The following ERRFI1 variants were observed in gnomAD, a reference collection of about 807,000 sequenced individuals.
ERRFI1 encodes the protein ERBB receptor feedback inhibitor 1.
Under a neutral mutation model 14.6 loss-of-function variants are expected in ERRFI1, and 12 were observed. That is an observed-to-expected ratio of 0.82 (90% CI 0.53 to 1.33). The LOEUF is 1.33. Ranked by LOEUF, ERRFI1 falls within the 40% of genes most tolerant of loss-of-function variation. The pLI is 0.00. For missense variants in ERRFI1, 482 were observed against 572.1 expected (o/e 0.84, Z 1.61); for synonymous variants, 202 against 209.9 (o/e 0.96, Z 0.32).
chr1:8,014,066 T>C lies in ERRFI1; in HGVS notation c.533A>G (p.Asp178Gly). Residue 178 changes from aspartate (D) to glycine (G), a missense_variant, in exon 4 of 4, where the codon GAT becomes GGT. By Grantham distance (94) the Asp-to-Gly change is moderately conservative. Transcript: ENST00000377482. ...DCEVEFLTSS[D>G]TDFLLEDSTL... Reference sequence around the variant, plus strand: ...AGAGTCTTCTAAAAGGAAGTCTGTATCTGAGCTAGTTAGGAATTCCACCTC... The same window carrying C: ...AGAGTCTTCTAAAAGGAAGTCTGTACCTGAGCTAGTTAGGAATTCCACCTC... The C allele has an allele frequency of 1.2e-6, 2 of 1,614,162 alleles. No homozygotes were observed. Among genetic ancestry groups the C allele is most frequent in the Non-Finnish European group, 1.7e-6 (2 of 1,180,034 alleles).
chr1:8,021,256 C>T (rs141495971), intron 1 of ERRFI1, among the ~76,000 whole-genome samples: 125 of 152,290 alleles, frequency 8.2e-4, no homozygotes, highest in African/African-American at 2.8e-3. Context: ...ATTCAGAATG[C>T]TTTCTAGCTA....
Position 8,012,528 on chromosome 1 carries a change from G to A in ERRFI1, c.*682C>T, listed in dbSNP as rs943115820. The stretch of plus-strand genomic sequence containing the variant: ...TTTTCAAGATGTGTGACAGGTACAG[G>A]TGACAATATGGTTGCCAAGTAACCT... On this transcript the variant is annotated 3_prime_UTR_variant, in exon 4 of 4. Coordinates refer to ENST00000377482, the MANE Select transcript of ERRFI1 (RefSeq NM_018948.4). 5 of 225,840 alleles carry A rather than the reference G, an allele frequency of 2.2e-5. No homozygotes were observed. Among genetic ancestry groups the A allele is most frequent in the East Asian group, 1.9e-4 (3 of 15,818 alleles). 14.0% of individuals were successfully genotyped at this position (225,840 alleles called of 1,614,324 possible).
intron 1 of ERRFI1, among the ~76,000 whole-genome samples, chr1:8,025,133 C>T (rs532840715): frequency 6.6e-6 from 1 of 152,236 alleles, no homozygotes; most frequent in Admixed American, 6.5e-5. Context: ...CTCAAGTCAC[C>T]GACACATCTC....
At chr1:8,017,219 A>C (rs1641188846) in intron 1 of ERRFI1, among the ~76,000 whole-genome samples, 1 of 152,148 alleles carries the variant, frequency 6.6e-6, no homozygotes, top group Non-Finnish European at 1.5e-5. Context: ...AAAGGAACAC[A>C]GTGATAAGTA....
At position 8,013,391 on chromosome 1, in the gene ERRFI1, T is replaced by C. The variant is rs1256682363; in HGVS notation, c.1208A>G (p.Tyr403Cys). The change falls in exon 4 of 4, where the codon TAC becomes TGC. Residue 403 changes from tyrosine to cysteine, a missense_variant. Tyr to Cys is a radical substitution (Grantham distance 194). Coordinates refer to ENST00000377482, the MANE Select transcript of ERRFI1 (RefSeq NM_018948.4). This position sits in a 1 kb window ranked among gnomAD's most constrained non-coding sequence, Gnocchi z 4.3. The part of the protein sequence containing the change: ...HYYLLPERPP[Y>C]LDKYEKFFRE... Reference sequence around the variant, plus strand: ...AAAAAATTTTTCATATTTGTCCAGGTATGGTGGTCGTTCAGGTAGTAGGTA... The same window carrying C: ...AAAAAATTTTTCATATTTGTCCAGGCATGGTGGTCGTTCAGGTAGTAGGTA... 2 of 1,614,214 alleles carry C rather than the reference T, an allele frequency of 1.2e-6. No homozygotes were observed. Among genetic ancestry groups the C allele is most frequent in the Non-Finnish European group, 1.7e-6 (2 of 1,180,030 alleles).
chr1:8,013,789 G>A lies in ERRFI1; in HGVS notation c.810C>T (p.His270=), dbSNP rs1641128270. Residue 270 remains histidine, a synonymous_variant, in exon 4 of 4, where the codon CAC becomes CAT. Coordinates refer to ENST00000377482, the MANE Select transcript of ERRFI1 (RefSeq NM_018948.4). The surrounding 1 kb of genome is among the most constrained non-coding windows in gnomAD (Gnocchi z 4.3). ...PAIRISNCCI[H]RASPNSDEDK... Reference sequence around the variant, plus strand: ...CTTCATCGGAGTTAGGAGAAGCTCTGTGTATACAACAGTTGGATATCCTTA... The same window carrying A: ...CTTCATCGGAGTTAGGAGAAGCTCTATGTATACAACAGTTGGATATCCTTA... The A allele has an allele frequency of 6.2e-7, 1 of 1,614,082 alleles. No homozygotes were observed. Among genetic ancestry groups the A allele is most frequent in the Non-Finnish European group, 8.5e-7 (1 of 1,180,044 alleles).
At chr1:8,017,551 C>G (rs1439180367) in intron 1 of ERRFI1, among the ~76,000 whole-genome samples, 2 of 152,160 alleles carry the variant, frequency 1.3e-5, no homozygotes, top group South Asian at 2.1e-4. Context: ...ATACTGCTAG[C>G]CTCTCCCTCT....
At chr1:8,015,271 C>T (rs2124065168) in intron 3 of ERRFI1, 37 bp downstream of exon 3, 3 of 1,583,246 alleles carry the variant, frequency 1.9e-6, no homozygotes, top group African/African-American at 2.7e-5. Context: ...CTGTTCTTCT[C>T]AAATGCTTAC....
At chr1:8,022,450 T>C (rs1641286394) in intron 1 of ERRFI1, among the ~76,000 whole-genome samples, 1 of 152,190 alleles carries the variant, frequency 6.6e-6, no homozygotes, top group African/African-American at 2.4e-5. Context: ...ATTATCTCAC[T>C]TGATCCCCAC....
At chr1:8,016,715 T>C (rs1413995087) in intron 1 of ERRFI1, among the ~76,000 whole-genome samples, 1 of 152,212 alleles carries the variant, frequency 6.6e-6, no homozygotes, top group Non-Finnish European at 1.5e-5. Context: ...ATTTGTCAAC[T>C]ATTGTGTAAC....
chr1:8,016,399 C>T (rs757403520), intron 1 of ERRFI1, among the ~76,000 whole-genome samples: 3 of 152,212 alleles, frequency 2.0e-5, no homozygotes, highest in Non-Finnish European at 4.4e-5. Context: ...TCCTCCCTCC[C>T]TTTTAAAGAC....
At chr1:8,024,332 AAC>A (rs1178567462) in intron 1 of ERRFI1, among the ~76,000 whole-genome samples, 6 of 152,366 alleles carry the variant, frequency 3.9e-5, no homozygotes, top group Admixed American at 3.3e-4. Flanking sequence ...TGATTGAAAC[AAC>A]AGTTTTACCC....
rs753651544 is a variant in ERRFI1, at chr1:8,013,182, A to G, written c.*28T>C. The G allele has an allele frequency of 5.8e-6, 9 of 1,549,814 alleles. No individual in the cohort carries two copies. In the South Asian group the frequency reaches 1.1e-4, roughly 19 times the overall value. ...AATTGAGAACCATTTGCTCCTATGT[A>G]ACCTCTGCTGAACCATGACCCCAAG... On this transcript the variant is annotated 3_prime_UTR_variant, in exon 4 of 4. Coordinates refer to ENST00000377482, the MANE Select transcript of ERRFI1 (RefSeq NM_018948.4). The surrounding 1 kb of genome is among the most constrained non-coding windows in gnomAD (Gnocchi z 4.3).
chr1:8,016,223 G>A lies in ERRFI1; in HGVS notation c.-73-531C>T, dbSNP rs187649217. 1.2e-3 allele frequency among the ~76,000 whole-genome samples: 179 copies of A among 152,320 alleles called. 3 individuals are homozygous for A. Among genetic ancestry groups the A allele is most frequent in the Admixed American group, 0.01 (159 of 15,302 alleles). On this transcript the variant is annotated intron_variant, in intron 1 of 3. Transcript: ENST00000377482. ...TGGCACCTGACTACCCCAGGGTCTA[G>A]CATTTATCTGGATTTTGTATTTCAG... is the stretch of plus-strand genomic sequence containing the variant.
intron 1 of ERRFI1, among the ~76,000 whole-genome samples, chr1:8,025,701 C>T (rs1052569693): frequency 6.6e-6 from 1 of 152,204 alleles, no homozygotes; most frequent in African/African-American, 2.4e-5. Context: ...CGAAGACGCT[C>T]ATCCCCGCCG....
intron 1 of ERRFI1, among the ~76,000 whole-genome samples, chr1:8,025,278 C>T (rs78532080): frequency 0.023 from 3,432 of 152,290 alleles, 122 homozygotes; most frequent in African/African-American, 0.078. Flanking sequence ...TAATACAGCA[C>T]CATTCACGGT....
rs556763918 is a variant in ERRFI1, at chr1:8,019,087, G to GACT, written c.-73-3398_-73-3396dup. ...GTACATTCAATTGCCAAGTTCCACA[G>GACT]ACTACTTTTACATGGTTTCTCAAAT... On this transcript the variant is annotated intron_variant, in intron 1 of 3. Coordinates refer to ENST00000377482, the MANE Select transcript of ERRFI1 (RefSeq NM_018948.4). Among the ~76,000 whole-genome samples the GACT allele has an allele frequency of 2.3e-3, 350 of 152,266 alleles. 1 individual carries two copies. The highest frequency in any genetic ancestry group is 7.9e-3 in the African/African-American group (330 of 41,558).
chr1:8,016,669 T>C (rs939598506), intron 1 of ERRFI1, among the ~76,000 whole-genome samples: 5 of 152,210 alleles, frequency 3.3e-5, no homozygotes, highest in African/African-American at 1.2e-4. Context: ...AGTTTATTTA[T>C]AAGTTTAGGT....
rs781356048 is a variant in ERRFI1, at chr1:8,014,156, C to G, written c.443G>C (p.Arg148Pro). ...CAACGGTGGAAGAGGCCTAGAACCC[C>G]GTTCACAAAGAGGGGCACAGGGGAA... ...SLFPCAPLCE[R>P]GSRPLPPLPI... is the part of the protein sequence containing the mutation. Residue 148 changes from arginine (R) to proline (P), a missense_variant, in exon 4 of 4, where the codon CGG becomes CCG. Coordinates refer to ENST00000377482, the MANE Select transcript of ERRFI1 (RefSeq NM_018948.4). 20 of 1,614,080 alleles carry G rather than the reference C, an allele frequency of 1.2e-5. No individual in the cohort carries two copies. Among genetic ancestry groups the G allele is most frequent in the Non-Finnish European group, 1.7e-5 (20 of 1,180,012 alleles).
Sources: gnomAD v4.1 joint callset for allele counts (sites outside exome capture counted in the v4.1 genomes callset) on GRCh38, gnomAD v4.1.1 for gene constraint, Gnocchi (gnomAD v3.1) non-coding constraint, MANE v1.5 for transcripts, NCBI Gene and HGNC (gene_info 2026-07-23, HGNC 2026-07-21) for gene names.